Variants in NPY2R observed in about 807,000 individuals in gnomAD.
The protein encoded by NPY2R is neuropeptide Y receptor Y2.
A neutral mutation model predicts 22.3 loss-of-function variants in NPY2R; 17 were observed. The observed-to-expected ratio is 0.76, with a 90% CI of 0.52 to 1.14. The LOEUF (loss-of-function observed/expected upper bound fraction) is 1.14. Ranked by LOEUF, NPY2R falls within the 50% of genes most tolerant of loss-of-function variation. NPY2R has a pLI of 0.00. For missense variants in NPY2R, 424 were observed against 467.9 expected, an observed-to-expected ratio of 0.91 and a Z score of 0.87; for synonymous variants, 209 against 183.4, an observed-to-expected ratio of 1.14 and a Z score of -1.13.
the NPY2R span, among the ~76,000 whole-genome samples, chr4:155,186,738 C>T: frequency 6.6e-6 from 1 of 152,120 alleles, no homozygotes. Context: ...CCAACATCTT[C>T]CTGACCACTC....
At chr4:155,175,594 C>T in the NPY2R span, among the ~76,000 whole-genome samples, 1 of 151,982 alleles carries the variant, frequency 6.6e-6, no homozygotes, top group South Asian at 2.1e-4. Flanking sequence ...TTGCAATATG[C>T]ATATAATAGC....
At chr4:155,174,462 T>TTATATATATATATATATATATA in the NPY2R span, among the ~76,000 whole-genome samples, 113 of 116,532 alleles carry the variant, frequency 9.7e-4, no homozygotes, top group East Asian at 4.4e-3. Context: ...TGGCTAAGCT[T>TTATATATATATATATATATATA]TATATATATA....
At chr4:155,196,961 C>T in the NPY2R span, among the ~76,000 whole-genome samples, 1 of 151,786 alleles carries the variant, frequency 6.6e-6, no homozygotes, top group South Asian at 2.1e-4. Flanking sequence ...AGGTTGAGTT[C>T]CACACTTCAC....
the NPY2R span, among the ~76,000 whole-genome samples, chr4:155,189,413 C>A: frequency 6.6e-6 from 1 of 151,926 alleles, no homozygotes; most frequent in African/African-American, 2.4e-5. Context: ...TCTGTCCTAG[C>A]CCCCATCTGT....
the NPY2R span, among the ~76,000 whole-genome samples, chr4:155,191,868 G>T: frequency 6.6e-6 from 1 of 151,798 alleles, no homozygotes; most frequent in Non-Finnish European, 1.5e-5. Context: ...TGGTAAAGTG[G>T]CTGTCACATA....
the NPY2R span, among the ~76,000 whole-genome samples, chr4:155,178,300 G>C: frequency 1.3e-5 from 2 of 152,238 alleles, no homozygotes; most frequent in East Asian, 1.9e-4. Context: ...AAAAGTGTGG[G>C]TTTCAAGGCA....
At chr4:155,205,375 C>A (rs557592509), upstream of NPY2R, among the ~76,000 whole-genome samples, 1 of 151,844 alleles carries the variant, frequency 6.6e-6, no homozygotes, top group East Asian at 1.9e-4. Context: ...TTATTTATAC[C>A]GTGGGGGAAG....
At position 155,215,002 on chromosome 4, in the gene NPY2R, G is replaced by C. The variant is rs201560340; in HGVS notation, c.1063G>C (p.Val355Leu). The C allele has an allele frequency of 9.3e-6, 15 of 1,613,998 alleles. No individual in the cohort carries two copies. The East Asian group carries it at 2.9e-4, about 31-fold the overall frequency. The change falls in exon 2 of 2, where the codon GTG becomes CTG. Residue 355 changes from valine to leucine, a missense_variant. Transcript: ENST00000329476. Reference sequence around the variant, plus strand: ...GGATGCCATTCACTCTGAGGTGTCCGTGACATTCAAGGCTAAAAAGAACCT... The same window carrying C: ...GGATGCCATTCACTCTGAGGTGTCCCTGACATTCAAGGCTAAAAAGAACCT... ...RLDAIHSEVS[V>L]TFKAKKNLEV...
chr4:155,211,884 T>G (rs1729411573), intron 1 of NPY2R, among the ~76,000 whole-genome samples: 1 of 152,176 alleles, frequency 6.6e-6, no homozygotes, highest in Admixed American at 6.5e-5. Context: ...GCTACAGAAC[T>G]GCTGTAGAGG....
the NPY2R span, among the ~76,000 whole-genome samples, chr4:155,202,265 C>T: frequency 6.6e-6 from 1 of 152,250 alleles, no homozygotes; most frequent in Admixed American, 6.5e-5. Context: ...TAATTCTTCC[C>T]ATACACAAGA....
chr4:155,199,277 T>C, the NPY2R span, among the ~76,000 whole-genome samples: 1 of 151,720 alleles, frequency 6.6e-6, no homozygotes, highest in South Asian at 2.1e-4. Flanking sequence ...ACATCTAAAA[T>C]AGAGTATAAG....
chr4:155,197,346 G>A, the NPY2R span, among the ~76,000 whole-genome samples: 1 of 151,758 alleles, frequency 6.6e-6, no homozygotes, highest in Non-Finnish European at 1.5e-5. Context: ...GTCACAAATG[G>A]GAGTGTAAAC....
At chr4:155,194,685 T>A in the NPY2R span, among the ~76,000 whole-genome samples, 8 of 152,078 alleles carry the variant, frequency 5.3e-5, no homozygotes, top group African/African-American at 1.9e-4. Flanking sequence ...CTATTGTGAG[T>A]AGTGCTACAA....
chr4:155,189,968 C>CACT, the NPY2R span, among the ~76,000 whole-genome samples: 2 of 151,908 alleles, frequency 1.3e-5, no homozygotes, highest in South Asian at 4.1e-4. Flanking sequence ...TTAGTGATAT[C>CACT]AAATTATACA....
chr4:155,209,524 T>C (rs1729358032), intron 1 of NPY2R, among the ~76,000 whole-genome samples: 1 of 152,062 alleles, frequency 6.6e-6, no homozygotes, highest in African/African-American at 2.4e-5. Context: ...CTTTGAGACT[T>C]TTTGCAATAG....
the NPY2R span, among the ~76,000 whole-genome samples, chr4:155,202,719 A>T: frequency 6.6e-5 from 10 of 152,160 alleles, no homozygotes. Flanking sequence ...GTAATTTAGC[A>T]TGAGAAAGAG....
the NPY2R span, among the ~76,000 whole-genome samples, chr4:155,174,484 A>ATATATATATATATATATTTTTTT: frequency 3.8e-5 from 4 of 106,118 alleles, no homozygotes; most frequent in African/African-American, 1.4e-4. Context: ...ATATATATAT[A>ATATATATATATATATATTTTTTT]TTTTTTTTTT....
chr4:155,212,493 G>A (rs188836470), intron 1 of NPY2R, among the ~76,000 whole-genome samples: 1 of 152,088 alleles, frequency 6.6e-6, no homozygotes, highest in African/African-American at 2.4e-5. Flanking sequence ...TCTTCACCCG[G>A]CAAAAACCCT....
the NPY2R span, among the ~76,000 whole-genome samples, chr4:155,197,031 C>T: frequency 6.6e-6 from 1 of 151,598 alleles, no homozygotes; most frequent in African/African-American, 2.4e-5. Context: ...TTTCATTGCT[C>T]AAAATACTAA....
Sources: allele counts gnomAD v4.1 joint callset (sites outside exome capture counted in the v4.1 genomes callset), GRCh38; gene constraint gnomAD v4.1.1; transcripts MANE v1.5; gene names NCBI Gene and HGNC (gene_info 2026-07-23, HGNC 2026-07-21).